Variants in DYNLL2 observed in about 807,000 individuals in gnomAD.
The protein encoded by DYNLL2 is dynein light chain 2, cytoplasmic.
Under a neutral mutation model 9.7 loss-of-function variants are expected in DYNLL2, and 1 was observed. That is an observed-to-expected ratio of 0.10 (90% CI 0.04 to 0.49). The LOEUF (loss-of-function observed/expected upper bound fraction) is 0.49, where lower values mean the gene tolerates loss of function less well. Ranked by LOEUF, DYNLL2 falls within the 20% of genes least tolerant of loss-of-function variation. The pLI, the probability that DYNLL2 is intolerant of heterozygous loss-of-function variation, is 0.95. For missense variants in DYNLL2, 37 were observed against 115.2 expected, an observed-to-expected ratio of 0.32 and a Z score of 3.11; for synonymous variants, 35 against 40.5, an observed-to-expected ratio of 0.86 and a Z score of 0.52.
chr17:58,084,219 T>C (rs1202926391), intron 1 of DYNLL2, among the ~76,000 whole-genome samples: 2 of 151,864 alleles, frequency 1.3e-5, no homozygotes, highest in Non-Finnish European at 2.9e-5. Context: ...GGATGCTTCC[T>C]CGTTCCCCAG....
At chr17:58,085,525 T>TG (rs2075756794) in intron 1 of DYNLL2, among the ~76,000 whole-genome samples, 1 of 152,058 alleles carries the variant, frequency 6.6e-6, no homozygotes, top group Non-Finnish European at 1.5e-5. Context: ...GGTGGGATGA[T>TG]GGGGGAGATA....
chr17:58,088,175 C>G (rs984080035), intron 2 of DYNLL2, among the ~76,000 whole-genome samples: 1 of 152,186 alleles, frequency 6.6e-6, no homozygotes, highest in African/African-American at 2.4e-5. Context: ...CCAGAAGAAT[C>G]CCCAGATTTT....
rs1272189013 is a variant in DYNLL2, at chr17:58,093,003, T to C, written c.*3724T>C. ...ACGTAGCATCTGCCAACGCTTGACA[T>C]ATTTGTTTTTTGTTTACTTTCTGGC... is the stretch of plus-strand genomic sequence containing the variant. On this transcript the variant is annotated 3_prime_UTR_variant, in exon 3 of 3. Coordinates refer to ENST00000579991, the MANE Select transcript of DYNLL2 (RefSeq NM_080677.3). The C allele has an allele frequency of 2.0e-5, 3 of 152,268 alleles. No individual in the cohort carries two copies. Among genetic ancestry groups the C allele is most frequent in the Non-Finnish European group, 2.9e-5 (2 of 68,048 alleles). The allele number at this position is 152,268 out of a possible 1,614,324, so 9.4% of individuals were successfully genotyped here.
Position 58,090,119 on chromosome 17 carries a change from C to T in DYNLL2, c.*840C>T, listed in dbSNP as rs2143598981. ...CTCTGGAGTTCTCTTAGAGCAGCCC[C>T]TGTTGTTAGTTGGCTGGCAAGGGAA... is the stretch of plus-strand genomic sequence containing the variant. On this transcript the variant is annotated 3_prime_UTR_variant, in exon 3 of 3. Transcript: ENST00000579991. 2.6e-6 allele frequency: 1 copy of T among 390,998 alleles called. No individual in the cohort carries two copies. The highest frequency in any genetic ancestry group is 3.6e-5 in the East Asian group (1 of 27,586). The allele number at this position is 390,998 out of a possible 1,614,324, so 24.2% of individuals were successfully genotyped here. A position where few individuals can be genotyped will look rare whatever the true frequency, so the allele number is the denominator to read the frequency against.
chr17:58,088,361 G>A (rs2075768305), intron 2 of DYNLL2, among the ~76,000 whole-genome samples: 1 of 152,240 alleles, frequency 6.6e-6, no homozygotes, highest in Non-Finnish European at 1.5e-5. Context: ...TGTATGTTGA[G>A]CATATTGAGG....
In DYNLL2 at chr17:58,094,121, T is replaced by C. The variant is rs1244184470; in HGVS notation, c.*4842T>C. 1 of 152,142 alleles carries C rather than the reference T, an allele frequency of 6.6e-6. No homozygotes were observed. Among genetic ancestry groups the C allele is most frequent in the Non-Finnish European group, 1.5e-5 (1 of 68,036 alleles). The allele number at this position is 152,142 out of a possible 1,614,324, so 9.4% of individuals were successfully genotyped here. ...GGGCTTTCTAGAGAGAATGCAAACA[T>C]GCAAAAACAGTGTGGTAGTGTAGGC... On this transcript the variant is annotated 3_prime_UTR_variant, in exon 3 of 3. Coordinates refer to ENST00000579991, the MANE Select transcript of DYNLL2 (RefSeq NM_080677.3).
rs750515266 is a variant in DYNLL2 at position 58,089,044 on chromosome 17, C to A, written c.133-98C>A. 1.1e-5 allele frequency: 16 copies of A among 1,475,296 alleles called. No homozygotes were observed. In the Admixed American group the frequency reaches 1.8e-4, roughly 17 times the overall value. 91.4% of individuals were successfully genotyped at this position (1,475,296 alleles called of 1,614,324 possible). A position where few individuals can be genotyped will look rare whatever the true frequency, so the allele number is the denominator to read the frequency against. On this transcript the variant is annotated intron_variant, in intron 2 of 2. Coordinates refer to ENST00000579991, the MANE Select transcript of DYNLL2 (RefSeq NM_080677.3). Reference sequence around the variant, plus strand: ...TGGGGTGGGGGTGATAACAACCAAACGTGTCGGTGCTGGAGTTGCAGGGAG... The same window carrying A: ...TGGGGTGGGGGTGATAACAACCAAAAGTGTCGGTGCTGGAGTTGCAGGGAG...
chr17:58,086,722 T>TA (rs1351957237), intron 1 of DYNLL2, among the ~76,000 whole-genome samples: 4 of 152,204 alleles, frequency 2.6e-5, no homozygotes, highest in Non-Finnish European at 4.4e-5. Flanking sequence ...GATAATGACA[T>TA]AAAAACACAA....
At chr17:58,084,158 C>CG (rs2075748632) in intron 1 of DYNLL2, among the ~76,000 whole-genome samples, 1 of 147,056 alleles carries the variant, frequency 6.8e-6, no homozygotes, top group South Asian at 2.3e-4. Context: ...GCCGACCGGC[C>CG]GGGGCCTGCG....
intron 1 of DYNLL2, among the ~76,000 whole-genome samples, chr17:58,084,205 A>G (rs555966791): frequency 7.9e-5 from 12 of 152,016 alleles, no homozygotes; most frequent in East Asian, 1.9e-4. Context: ...GTCGGGGGGA[A>G]GGAGGATGCT....
chr17:58,087,101 G>A lies in DYNLL2; in HGVS notation c.11G>A (p.Arg4Gln). 3 of 1,614,128 alleles carry A rather than the reference G, an allele frequency of 1.9e-6. No homozygotes were observed. The highest frequency in any genetic ancestry group is 2.5e-6 in the Non-Finnish European group (3 of 1,180,030). The change falls in exon 2 of 3, where the codon CGG (arginine) becomes CAG (glutamine). Residue 4 changes from arginine to glutamine, a missense_variant. Arg to Gln is a conservative substitution (Grantham distance 43). Coordinates refer to ENST00000579991, the MANE Select transcript of DYNLL2 (RefSeq NM_080677.3). ...CTGTAGTGTCACACCATGTCTGACC[G>A]GAAGGCAGTGATCAAGAACGCAGAC... is the stretch of plus-strand genomic sequence containing the variant. MSD[R>Q]KAVIKNADMS...
chr17:58,090,260 G>A lies in DYNLL2; in HGVS notation c.*981G>A, dbSNP rs774773837. 2.4e-5 allele frequency: 5 copies of A among 204,636 alleles called. No homozygotes were observed. The highest frequency in any genetic ancestry group is 3.9e-5 in the Non-Finnish European group (4 of 103,030). The allele number at this position is 204,636 out of a possible 1,614,324, so 12.7% of individuals were successfully genotyped here. A position where few individuals can be genotyped will look rare whatever the true frequency, so the allele number is the denominator to read the frequency against. On this transcript the variant is annotated 3_prime_UTR_variant, in exon 3 of 3. Coordinates refer to ENST00000579991, the MANE Select transcript of DYNLL2 (RefSeq NM_080677.3). ...TGTGTATATGTGTGTGTATGTGTGT[G>A]TGGGGTTTGGGGTAGAAGGGAGGGA...
In DYNLL2 at chr17:58,090,145, T is replaced by C. The variant is rs1052039342; in HGVS notation, c.*866T>C. On this transcript the variant is annotated 3_prime_UTR_variant, in exon 3 of 3. Transcript: ENST00000579991. ...TGTTGTTAGTTGGCTGGCAAGGGAA[T>C]TTCTGGTGACTGTAGTTCCTTAGTT... 2.4e-5 allele frequency: 9 copies of C among 382,718 alleles called. No individual in the cohort carries two copies. The highest frequency in any genetic ancestry group is 3.7e-5 in the Non-Finnish European group (8 of 216,560). 23.7% of individuals were successfully genotyped at this position (382,718 alleles called of 1,614,324 possible). A position where few individuals can be genotyped will look rare whatever the true frequency, so the allele number is the denominator to read the frequency against.
At position 58,093,579 on chromosome 17, in the gene DYNLL2, A is replaced by C. The variant is rs1011354864; in HGVS notation, c.*4300A>C. On this transcript the variant is annotated 3_prime_UTR_variant, in exon 3 of 3. Coordinates refer to ENST00000579991, the MANE Select transcript of DYNLL2 (RefSeq NM_080677.3). ...GTTTGGCAGCAAGGGTCTCATGGAT[A>C]CTCTTTAAGATGTAGGCCCAGATCT... The C allele has an allele frequency of 6.6e-6, 1 of 151,902 alleles. No individual in the cohort carries two copies. The highest frequency in any genetic ancestry group is 2.4e-5 in the African/African-American group (1 of 41,326). 9.4% of individuals were successfully genotyped at this position (151,902 alleles called of 1,614,324 possible).
In DYNLL2 at chr17:58,090,063, G is replaced by C. The variant is rs2075774570; in HGVS notation, c.*784G>C. 5.1e-6 allele frequency: 2 copies of C among 394,962 alleles called. No individual in the cohort carries two copies. Among genetic ancestry groups the C allele is most frequent in the Non-Finnish European group, 8.9e-6 (2 of 224,390 alleles). The allele number at this position is 394,962 out of a possible 1,614,324, so 24.5% of individuals were successfully genotyped here. Reference sequence around the variant, plus strand: ...TTTTCTTTACATTTTTCTCCTGTCTGCTCCCTGCTTAGCCCTCAGTTTCCT... The same window carrying C: ...TTTTCTTTACATTTTTCTCCTGTCTCCTCCCTGCTTAGCCCTCAGTTTCCT... On this transcript the variant is annotated 3_prime_UTR_variant, in exon 3 of 3. Coordinates refer to ENST00000579991, the MANE Select transcript of DYNLL2 (RefSeq NM_080677.3).
chr17:58,089,406 A>G lies in DYNLL2; in HGVS notation c.*127A>G. The G allele has an allele frequency of 5.6e-6, 7 of 1,256,528 alleles. No homozygotes were observed. Among genetic ancestry groups the G allele is most frequent in the Non-Finnish European group, 7.6e-6 (7 of 916,300 alleles). 77.8% of individuals were successfully genotyped at this position (1,256,528 alleles called of 1,614,324 possible). A position where few individuals can be genotyped will look rare whatever the true frequency, so the allele number is the denominator to read the frequency against. ...ATGGCTGTGCTACTGCATGGACTGT[A>G]TACTCGATTTCATGTGTATGTCGCA... is the stretch of plus-strand genomic sequence containing the variant. On this transcript the variant is annotated 3_prime_UTR_variant, in exon 3 of 3. Coordinates refer to ENST00000579991, the MANE Select transcript of DYNLL2 (RefSeq NM_080677.3).
Position 58,089,827 on chromosome 17 carries a change from G to T in DYNLL2, c.*548G>T, listed in dbSNP as rs1197987041. On this transcript the variant is annotated 3_prime_UTR_variant, in exon 3 of 3. Transcript: ENST00000579991. ...ATATTCCACTGAACTGTGATTCTAT[G>T]GCTTGGGGCGGAGGGTGGGGTGGGG... The T allele has an allele frequency of 2.5e-6, 1 of 398,844 alleles. No individual in the cohort carries two copies. Among genetic ancestry groups the T allele is most frequent in the East Asian group, 3.6e-5 (1 of 28,070 alleles). 24.7% of individuals were successfully genotyped at this position (398,844 alleles called of 1,614,324 possible).
At chr17:58,086,334 G>A (rs1040094216) in intron 1 of DYNLL2, among the ~76,000 whole-genome samples, 5 of 152,186 alleles carry the variant, frequency 3.3e-5, no homozygotes, top group Non-Finnish European at 5.9e-5. Flanking sequence ...CTCTGCTATC[G>A]TAGCATGTTC....
rs2075743642 is a variant in DYNLL2, at chr17:58,083,493, CGGGCGGCCGGCGA to C, written c.-199_-187del. ...CGGGCGGGCGGCGTGAGGCGGAGCG[CGGGCGGCCGGCGA>C]AACTCCAAGGGCGGACCGCGGCAGG... On this transcript the variant is annotated 5_prime_UTR_variant, in exon 1 of 3. Coordinates refer to ENST00000579991, the MANE Select transcript of DYNLL2 (RefSeq NM_080677.3). The C allele has an allele frequency of 6.6e-6, 1 of 150,862 alleles. No homozygotes were observed. The allele number at this position is 150,862 out of a possible 1,614,324, so 9.3% of individuals were successfully genotyped here.
Sources: allele counts gnomAD v4.1 joint callset (sites outside exome capture counted in the v4.1 genomes callset), GRCh38; gene constraint gnomAD v4.1.1; transcripts MANE v1.5; gene names NCBI Gene and HGNC (gene_info 2026-07-23, HGNC 2026-07-21).